Variants in PSIP1 observed in about 807,000 individuals in gnomAD.
The protein encoded by PSIP1 is PC4 and SFRS1-interacting protein.
Under a neutral mutation model 74.7 loss-of-function variants are expected in PSIP1, and 19 were observed. The ratio of observed to expected loss-of-function variants is 0.25; its 90% CI spans 0.18 to 0.37. The LOEUF is 0.37. PSIP1 is among the 10% of genes least tolerant of loss of function. The pLI is 1.00. For missense variants in PSIP1, 601 were observed against 614.3 expected (o/e 0.98, Z 0.23); for synonymous variants, 222 against 195.3 (o/e 1.14, Z -1.14).
intron 15 of PSIP1, 92 bp downstream of exon 15, chr9:15,466,656 G>A: frequency 1.0e-6 from 1 of 965,026 alleles, no homozygotes; most frequent in Non-Finnish European, 1.5e-6. Flanking sequence ...AAAGATAACT[G>A]CTTATTATAG....
chr9:15,477,624 T>C (rs369931433), intron 8 of PSIP1, among the ~76,000 whole-genome samples: 1 of 152,060 alleles, frequency 6.6e-6, no homozygotes, highest in African/African-American at 2.4e-5. Context: ...TTTGTCTAAA[T>C]ATACTCTCTA....
chr9:15,506,260 T>C (rs1400920859), intron 3 of PSIP1: 2 of 212,962 alleles, frequency 9.4e-6, no homozygotes, highest in Non-Finnish European at 1.9e-5. Context: ...CTTATTTTAC[T>C]GTATAGGAAT....
intron 3 of PSIP1, among the ~76,000 whole-genome samples, chr9:15,495,024 TA>T (rs1423552930): frequency 6.6e-6 from 1 of 152,156 alleles, no homozygotes; most frequent in Non-Finnish European, 1.5e-5. Flanking sequence ...GAGATTATTT[TA>T]AAAGTATAAA....
In PSIP1 at chr9:15,484,697, A is replaced by G. The variant is rs370570000; in HGVS notation, c.456+1309T>C. 1.5e-4 allele frequency among the ~76,000 whole-genome samples: 23 copies of G among 152,092 alleles called. No homozygotes were observed. The East Asian group carries it at 2.5e-3, about 17-fold the overall frequency. Reference sequence around the variant, plus strand: ...AGCCGAGATGGCGCCACTGCACTTCAGCTGGGGCAACAGTGTGAGAATCCG... The same window carrying G: ...AGCCGAGATGGCGCCACTGCACTTCGGCTGGGGCAACAGTGTGAGAATCCG... On this transcript the variant is annotated intron_variant, in intron 6 of 15. Coordinates refer to ENST00000380733, the MANE Select transcript of PSIP1 (RefSeq NM_033222.5).
At chr9:15,488,788 G>A (rs183366675) in intron 4 of PSIP1, among the ~76,000 whole-genome samples, 18 of 152,174 alleles carry the variant, frequency 1.2e-4, no homozygotes, top group East Asian at 1.2e-3. Flanking sequence ...CTGGGGGGCC[G>A]AGGCGGGCGG....
Position 15,507,030 on chromosome 9 carries a change from C to G in PSIP1, c.73-393G>C, listed in dbSNP as rs570997079. ...AATCATATCATTTCAGGTAAGGAGT[C>G]TGAACCTATTTGACAACCCTAAATG... On this transcript the variant is annotated intron_variant, in intron 2 of 15. Coordinates refer to ENST00000380733, the MANE Select transcript of PSIP1 (RefSeq NM_033222.5). Among the ~76,000 whole-genome samples, 4 of 152,326 alleles carry G rather than the reference C, an allele frequency of 2.6e-5. No individual in the cohort carries two copies. The South Asian group carries it at 6.2e-4, about 24-fold the overall frequency.
At chr9:15,481,264 C>T (rs1344971996) in intron 6 of PSIP1, among the ~76,000 whole-genome samples, 7 of 152,210 alleles carry the variant, frequency 4.6e-5, no homozygotes, top group African/African-American at 1.7e-4. Context: ...AGACTGAGAG[C>T]TCTTTTCCTA....
In PSIP1 at chr9:15,474,070, T is replaced by G. The variant is rs539797254; in HGVS notation, c.797A>C (p.Lys266Thr). Residue 266 changes from lysine (K) to threonine (T), a missense_variant, in exon 9 of 16, where the codon AAA becomes ACA. Physicochemically the swap from Lys to Thr is moderately conservative, Grantham distance 78. Transcript: ENST00000380733. ...EVESKRKNLA[K>T]TGVTSTSDSE... ...ATCGGAGGTTGAAGTAACCCCTGTT[T>G]TAGCTAAATTTTTCCTTTTTGATTC... The G allele has an allele frequency of 6.2e-7, 1 of 1,613,838 alleles. No individual in the cohort carries two copies. The highest frequency in any genetic ancestry group is 2.2e-5 in the East Asian group (1 of 44,842).
intron 7 of PSIP1, 27 bp from the exon 8 acceptor site, chr9:15,478,579 G>T: frequency 7.2e-7 from 1 of 1,386,614 alleles, no homozygotes; most frequent in Non-Finnish European, 1.0e-6. Flanking sequence ...AAAAAAATCA[G>T]TAACTACTAG....
At chr9:15,493,740 C>T (rs1450479229) in intron 3 of PSIP1, among the ~76,000 whole-genome samples, 1 of 152,212 alleles carries the variant, frequency 6.6e-6, no homozygotes, top group Non-Finnish European at 1.5e-5. Context: ...ATGCCAGACA[C>T]TTATGAAACC....
chr9:15,466,958 C>T (rs1337583639), intron 14 of PSIP1, 99 bp from the exon 15 acceptor site: 2 of 800,468 alleles, frequency 2.5e-6, no homozygotes, highest in Non-Finnish European at 4.2e-6. Context: ...ACATGGCCAT[C>T]GTGTTTCTAC....
intron 2 of PSIP1, among the ~76,000 whole-genome samples, chr9:15,509,728 A>C (rs143827459): frequency 6.6e-6 from 1 of 152,344 alleles, no homozygotes; most frequent in Non-Finnish European, 1.5e-5. Flanking sequence ...GTTTGTGTGT[A>C]ATCTGCACAA....
At chr9:15,478,667 C>G in intron 7 of PSIP1, 115 bp from the exon 8 acceptor site, 1 of 681,562 alleles carries the variant, frequency 1.5e-6, no homozygotes, top group South Asian at 2.2e-5. Flanking sequence ...TAGCTTATTA[C>G]AGATACAATT....
At chr9:15,493,726 G>C (rs979395678) in intron 3 of PSIP1, among the ~76,000 whole-genome samples, 3 of 152,148 alleles carry the variant, frequency 2.0e-5, no homozygotes, top group African/African-American at 7.2e-5. Context: ...CGCAAGCAGG[G>C]GAAATGCCAG....
intron 3 of PSIP1, among the ~76,000 whole-genome samples, chr9:15,491,435 T>C (rs999438362): frequency 6.6e-6 from 1 of 152,222 alleles, no homozygotes; most frequent in African/African-American, 2.4e-5. Context: ...CAGTGCATGT[T>C]TGTGAATGAC....
At chr9:15,495,637 C>T (rs1055668406) in intron 3 of PSIP1, among the ~76,000 whole-genome samples, 1 of 152,086 alleles carries the variant, frequency 6.6e-6, no homozygotes, top group African/African-American at 2.4e-5. Flanking sequence ...ATATGGAATG[C>T]GTCTATCTTC....
intron 3 of PSIP1, among the ~76,000 whole-genome samples, chr9:15,491,349 AAAG>A (rs1187646512): frequency 6.6e-6 from 1 of 152,240 alleles, no homozygotes; most frequent in East Asian, 1.9e-4. Context: ...AGTGCTGAAA[AAAG>A]AAGGCAAGCA....
intron 10 of PSIP1, chr9:15,472,058 GAA>G: frequency 1.0e-6 from 1 of 975,418 alleles, no homozygotes; most frequent in Non-Finnish European, 1.2e-6. Context: ...TAAGGGGAAA[GAA>G]ATTCCCCATG....
intron 11 of PSIP1, 146 bp from the exon 12 acceptor site, chr9:15,469,482 G>T: frequency 1.8e-6 from 1 of 559,646 alleles, no homozygotes. Context: ...ATGCACAATA[G>T]CTTAACTAAG....
Sources: allele counts gnomAD v4.1 joint callset (sites outside exome capture counted in the v4.1 genomes callset), GRCh38; gene constraint gnomAD v4.1.1; transcripts MANE v1.5; gene names NCBI Gene and HGNC (gene_info 2026-07-23, HGNC 2026-07-21).